The following PPARGC1A variants were observed in gnomAD, a reference collection of about 807,000 sequenced individuals.
The protein encoded by PPARGC1A is peroxisome proliferator-activated receptor gamma coactivator 1-alpha.
A neutral mutation model predicts 88.7 loss-of-function variants in PPARGC1A; 25 were observed. That is an observed-to-expected ratio of 0.28 (90% confidence interval 0.21 to 0.39). The LOEUF (loss-of-function observed/expected upper bound fraction) is 0.39. Among genes scored for constraint, PPARGC1A ranks in the 10% least tolerant of loss-of-function variants. The probability of loss-of-function intolerance (pLI) is 1.00; values close to 1 mark genes in which losing one functional copy is unlikely to be tolerated. For synonymous variants in PPARGC1A, 363 were observed against 355.6 expected (o/e 1.02, Z -0.24); for missense variants, 880 against 968.7 (o/e 0.91, Z 1.22).
the PPARGC1A span, among the ~76,000 whole-genome samples, chr4:24,380,110 T>C: frequency 6.7e-6 from 1 of 148,708 alleles, no homozygotes; most frequent in South Asian, 2.1e-4. Context: ...AAATATATAG[T>C]TTTTTTTTTA....
the PPARGC1A span, among the ~76,000 whole-genome samples, chr4:23,982,493 A>G: frequency 1.3e-5 from 2 of 152,300 alleles, no homozygotes. Flanking sequence ...GACTAGAACC[A>G]TCACATGGCC....
At position 23,883,095 on chromosome 4, in the gene PPARGC1A, G is replaced by A. The variant is rs375226434; in HGVS notation, c.234+1657C>T. ...GGGCCTGTAACTTGACAAGTGTACT[G>A]AGTGAGGAATGTTCAATTTACCAGT... On this transcript the variant is annotated intron_variant, in intron 2 of 12. Transcript: ENST00000264867. 10 of 152,302 alleles carry A rather than the reference G, an allele frequency of 6.6e-5. No homozygotes were observed. In the South Asian group the frequency reaches 2.1e-3, roughly 32 times the overall value. 9.4% of individuals were successfully genotyped at this position (152,302 alleles called of 1,614,324 possible).
intron 2 of PPARGC1A, among the ~76,000 whole-genome samples, chr4:23,837,452 T>G (rs990060538): frequency 6.6e-6 from 1 of 151,600 alleles, no homozygotes; most frequent in Admixed American, 6.6e-5. Flanking sequence ...CATAAACATT[T>G]CCAGTGTATA....
Position 23,820,578 on chromosome 4 carries a change from TTC to T in PPARGC1A, c.877+3700_877+3701del, listed in dbSNP as rs201854227. 2.4e-3 allele frequency: 1,020 copies of T among 419,354 alleles called. 7 individuals carry two copies. The highest frequency in any genetic ancestry group is 0.015 in the African/African-American group (703 of 48,464). The allele number at this position is 419,354 out of a possible 1,614,324, so 26.0% of individuals were successfully genotyped here. On this transcript the variant is annotated intron_variant, in intron 7 of 12. Transcript: ENST00000264867. Reference sequence around the variant, plus strand: ...TTAAATGCCTTCTGCCAAAAGAGCATTCTCTTTTCTCTCATCTTGCTTTACTA... The same window carrying T: ...TTAAATGCCTTCTGCCAAAAGAGCATTCTTTTCTCTCATCTTGCTTTACTA...
chr4:23,995,224 CG>C, the PPARGC1A span, among the ~76,000 whole-genome samples: 1 of 151,812 alleles, frequency 6.6e-6, no homozygotes, highest in South Asian at 2.1e-4. Context: ...TAGAAAATCA[CG>C]TGGGAAAGTC....
the PPARGC1A span, among the ~76,000 whole-genome samples, chr4:24,338,913 G>T: frequency 6.6e-6 from 1 of 151,934 alleles, no homozygotes; most frequent in South Asian, 2.1e-4. Context: ...CTTTATTATT[G>T]TGGTAAAATA....
chr4:23,838,371 C>T lies in PPARGC1A; in HGVS notation c.235-6620G>A, dbSNP rs528073812. ...CATGTAATGACTGAGAGGTTCCTAG[C>T]TCCTACCTCACTCAAAGGAGGAGTC... On this transcript the variant is annotated intron_variant, in intron 2 of 12. Coordinates refer to ENST00000264867, the MANE Select transcript of PPARGC1A (RefSeq NM_013261.5). Among the ~76,000 whole-genome samples, 6 of 152,282 alleles carry T rather than the reference C, an allele frequency of 3.9e-5. No homozygotes were observed. The South Asian group carries it at 1.0e-3, about 26-fold the overall frequency.
At chr4:23,887,255 T>C (rs575887527) in intron 1 of PPARGC1A, among the ~76,000 whole-genome samples, 74 of 152,344 alleles carry the variant, frequency 4.9e-4, no homozygotes, top group African/African-American at 7.2e-5. Flanking sequence ...GAAAAGTGCA[T>C]GTGTTCTTGC....
chr4:23,938,342 A>G, the PPARGC1A span, among the ~76,000 whole-genome samples: 1 of 152,236 alleles, frequency 6.6e-6, no homozygotes, highest in Non-Finnish European at 1.5e-5. Flanking sequence ...TAAAAAATGC[A>G]CATCTTCTTC....
the PPARGC1A span, among the ~76,000 whole-genome samples, chr4:24,224,782 T>C: frequency 3.3e-5 from 5 of 152,026 alleles, no homozygotes; most frequent in Non-Finnish European, 5.9e-5. Flanking sequence ...GTGCAAGAGT[T>C]CAGGGAGATG....
At chr4:24,053,459 T>C in the PPARGC1A span, among the ~76,000 whole-genome samples, 46 of 150,796 alleles carry the variant, frequency 3.1e-4, no homozygotes, top group South Asian at 2.1e-4. Flanking sequence ...CCACCAGACC[T>C]TTCTTTAGGC....
At chr4:24,041,125 A>G in the PPARGC1A span, among the ~76,000 whole-genome samples, 132 of 152,262 alleles carry the variant, frequency 8.7e-4, no homozygotes, top group African/African-American at 3.1e-3. Flanking sequence ...TTCCAGATCT[A>G]TGCTTCACCC....
chr4:23,835,685 A>C (rs1443344665), intron 2 of PPARGC1A, among the ~76,000 whole-genome samples: 2 of 152,212 alleles, frequency 1.3e-5, no homozygotes, highest in African/African-American at 4.8e-5. Flanking sequence ...TTAGTGAATT[A>C]AGGAAGGAAA....
intron 2 of PPARGC1A, among the ~76,000 whole-genome samples, chr4:23,872,319 C>G (rs1713562917): frequency 6.6e-6 from 1 of 152,124 alleles, no homozygotes; most frequent in Admixed American, 6.5e-5. Context: ...CTTGTTTTCC[C>G]TCCACACTCC....
the PPARGC1A span, among the ~76,000 whole-genome samples, chr4:24,341,217 T>TTTTA: frequency 6.8e-6 from 1 of 147,906 alleles, no homozygotes; most frequent in East Asian, 2.0e-4. Flanking sequence ...ATATATATAA[T>TTTTA]TATATATATA....
chr4:23,933,765 C>A, the PPARGC1A span, among the ~76,000 whole-genome samples: 1 of 152,208 alleles, frequency 6.6e-6, no homozygotes, highest in African/African-American at 2.4e-5. Flanking sequence ...CTTTGGAAGG[C>A]ACTTTCACAT....
At chr4:24,273,617 G>T in the PPARGC1A span, among the ~76,000 whole-genome samples, 1 of 151,976 alleles carries the variant, frequency 6.6e-6, no homozygotes, top group African/African-American at 2.4e-5. Context: ...GTCAGGGCTG[G>T]TTAGAGACAA....
chr4:24,322,587 TACAG>T, the PPARGC1A span, among the ~76,000 whole-genome samples: 1 of 152,242 alleles, frequency 6.6e-6, no homozygotes, highest in African/African-American at 2.4e-5. Context: ...ATGTTCCTGC[TACAG>T]ACAGTGTTGT....
intron 10 of PPARGC1A, among the ~76,000 whole-genome samples, chr4:23,806,155 A>T (rs1013987845): frequency 6.6e-6 from 1 of 152,212 alleles, no homozygotes; most frequent in African/African-American, 2.4e-5. Flanking sequence ...GAATGGGGCC[A>T]TGCCTCACTA....
Sources: allele counts gnomAD v4.1 joint callset (sites outside exome capture counted in the v4.1 genomes callset), GRCh38; gene constraint gnomAD v4.1.1; transcripts MANE v1.5; gene names NCBI Gene and HGNC (gene_info 2026-07-23, HGNC 2026-07-21).